The following USP31 variants were observed in gnomAD, a reference collection of about 807,000 sequenced individuals.
USP31 encodes the protein ubiquitin carboxyl-terminal hydrolase 31.
Under a neutral mutation model 119.4 loss-of-function variants are expected in USP31, and 44 were observed. The observed-to-expected ratio is 0.37, with a 90% CI of 0.29 to 0.47. The LOEUF is 0.47. USP31 is among the 20% of genes least tolerant of loss of function. The pLI, the probability that USP31 is intolerant of heterozygous loss-of-function variation, is 0.99. For synonymous variants in USP31, 749 were observed against 705.6 expected (o/e 1.06, Z -0.97); for missense variants, 1,643 against 1,730.2 (o/e 0.95, Z 0.89).
In USP31 at chr16:23,069,365, T is replaced by G; in HGVS notation, c.2740A>C (p.Ser914Arg). 6.2e-7 allele frequency: 1 copy of G among 1,606,712 alleles called. No individual in the cohort carries two copies. Among genetic ancestry groups the G allele is most frequent in the East Asian group, 2.2e-5 (1 of 44,718 alleles). ...DDKVSISCFGSLRNLSSSYQE... is the reference protein window; with the variant it reads ...DDKVSISCFGRLRNLSSSYQE... ...TAACTGCTAGAAAGGTTCCGCAAGCTACCAAAGCAAGAGATGGAGACCTTG... is the reference window on the plus strand; with the variant it reads ...TAACTGCTAGAAAGGTTCCGCAAGCGACCAAAGCAAGAGATGGAGACCTTG... The change falls in exon 16 of 16, where the codon AGC becomes CGC. Residue 914 changes from serine (S) to arginine (R), a missense_variant. Ser to Arg is a moderately radical substitution (Grantham distance 110). Around this residue, in one of 5 missense-constraint regions of USP31, gnomAD observed 699 missense variants for 650.9 expected, o/e 1.07. Coordinates refer to ENST00000219689, the MANE Select transcript of USP31 (RefSeq NM_020718.4).
In USP31 at chr16:23,064,101, CA is replaced by C. The variant is rs1490922208; in HGVS notation, c.*3944del. 3.9e-5 allele frequency: 6 copies of C among 152,622 alleles called. No homozygotes were observed. The highest frequency in any genetic ancestry group is 1.4e-4 in the African/African-American group (6 of 41,460). The allele number at this position is 152,622 out of a possible 1,614,324, so 9.5% of individuals were successfully genotyped here. ...TTGCCTTTCTCAACTACAAATAATACAAAGTTCCACGCACCTCCAGAATACG... is the reference window on the plus strand; with the variant it reads ...TTGCCTTTCTCAACTACAAATAATACAAGTTCCACGCACCTCCAGAATACG... On this transcript the variant is annotated 3_prime_UTR_variant, in exon 16 of 16. Transcript: ENST00000219689.
chr16:23,099,645 A>G (rs1224787724), intron 6 of USP31, among the ~76,000 whole-genome samples: 1 of 152,204 alleles, frequency 6.6e-6, no homozygotes, highest in East Asian at 1.9e-4. Flanking sequence ...GTCAGACATG[A>G]CAACAAAAGC....
At chr16:23,088,441 A>T (rs928933488) in intron 7 of USP31, among the ~76,000 whole-genome samples, 16 of 152,122 alleles carry the variant, frequency 1.1e-4, no homozygotes, top group Admixed American at 2.0e-4. Flanking sequence ...CTGGAATATG[A>T]TCTGAGCACT....
intron 2 of USP31, among the ~76,000 whole-genome samples, chr16:23,107,528 A>T (rs1902157353): frequency 6.6e-6 from 1 of 152,192 alleles, no homozygotes; most frequent in Admixed American, 6.5e-5. Flanking sequence ...CTTTAGTCTA[A>T]TTTTTTTCCA....
intron 1 of USP31, among the ~76,000 whole-genome samples, chr16:23,123,541 T>TAAAG (rs1440717369): frequency 2.0e-5 from 3 of 151,582 alleles, no homozygotes; most frequent in African/African-American, 7.3e-5. Flanking sequence ...GCATCTCAAA[T>TAAAG]AAATAAATAA....
At position 23,071,732 on chromosome 16, in the gene USP31, T is replaced by C. The variant is rs555136365; in HGVS notation, c.2488+313A>G. ...TGAGCCTCTTCCAGCTATCCTGCTT[T>C]TTAAAACACTTTGGGAAAAAAAAAA... On this transcript the variant is annotated intron_variant, in intron 15 of 15. Transcript: ENST00000219689. 2.1e-3 allele frequency among the ~76,000 whole-genome samples: 171 copies of C among 81,232 alleles called. 1 individual carries two copies. Among genetic ancestry groups the C allele is most frequent in the Middle Eastern group, 0.014 (2 of 146 alleles). The allele number at this position is 81,232 out of a possible 152,430, so 53.3% of individuals were successfully genotyped here.
intron 1 of USP31, among the ~76,000 whole-genome samples, chr16:23,116,403 A>G (rs1902486234): frequency 6.6e-6 from 1 of 152,218 alleles, no homozygotes; most frequent in East Asian, 1.9e-4. Flanking sequence ...TACTTTCAGG[A>G]CGCCTACTAA....
intron 1 of USP31, among the ~76,000 whole-genome samples, chr16:23,127,236 T>C (rs1463572538): frequency 6.6e-6 from 1 of 152,070 alleles, no homozygotes; most frequent in Non-Finnish European, 1.5e-5. Flanking sequence ...GAGACCAGCC[T>C]GGGCAACATA....
In USP31 at chr16:23,063,966, T is replaced by C. The variant is rs531053439; in HGVS notation, c.*4080A>G. 2 of 152,612 alleles carry C rather than the reference T, an allele frequency of 1.3e-5. No individual in the cohort carries two copies. The highest frequency in any genetic ancestry group is 2.1e-4 in the South Asian group (1 of 4,826). The allele number at this position is 152,612 out of a possible 1,614,324, so 9.5% of individuals were successfully genotyped here. The stretch of plus-strand genomic sequence containing the variant: ...CTGGATTTCTCCCCAAACCATGTAG[T>C]AGAGTTTAACAATAATGTACCCTTT... On this transcript the variant is annotated 3_prime_UTR_variant, in exon 16 of 16. Transcript: ENST00000219689.
At chr16:23,093,586 G>A (rs1260299030) in intron 6 of USP31, among the ~76,000 whole-genome samples, 3 of 152,202 alleles carry the variant, frequency 2.0e-5, no homozygotes, top group Non-Finnish European at 2.9e-5. Flanking sequence ...TGGTGGAAAC[G>A]TAAAATGATC....
rs1390172414 is a variant in USP31 at position 23,148,731 on chromosome 16, C to T, written c.540G>A (p.Ala180=). Residue 180 remains alanine (A), a synonymous_variant, in exon 1 of 16, where the codon GCG becomes GCA. Transcript: ENST00000219689. ...PDPEQPAGRG[A]QGQGEVTEQL... ...GCTCAGTGACCTCGCCCTGGCCCTG[C>T]GCGCCGCGGCCCGCAGGCTGCTCCG... 2.0e-6 allele frequency: 3 copies of T among 1,482,786 alleles called. No homozygotes were observed. The highest frequency in any genetic ancestry group is 1.3e-5 in the South Asian group (1 of 75,492). The allele number at this position is 1,482,786 out of a possible 1,614,324, so 91.9% of individuals were successfully genotyped here. A position where few individuals can be genotyped will look rare whatever the true frequency, so the allele number is the denominator to read the frequency against.
intron 15 of USP31, among the ~76,000 whole-genome samples, chr16:23,071,218 C>T (rs939502563): frequency 2.6e-5 from 4 of 152,190 alleles, no homozygotes; most frequent in African/African-American, 7.2e-5. Context: ...TTCTTCCAGC[C>T]TATTGCAATT....
chr16:23,079,748 C>T (rs1051237885), intron 13 of USP31, 198 bp downstream of exon 13: 21 of 514,894 alleles, frequency 4.1e-5, no homozygotes, highest in African/African-American at 2.6e-4. Context: ...ACCTACTGGA[C>T]GACCCAACTC....
Position 23,064,043 on chromosome 16 carries a change from C to T in USP31, c.*4003G>A, listed in dbSNP as rs999762342. ...CACAGTAACAGCTACTTTTTGTGTTCGTTTGTGATAGGTACTGGTTTGTCA... is the reference window on the plus strand; with the variant it reads ...CACAGTAACAGCTACTTTTTGTGTTTGTTTGTGATAGGTACTGGTTTGTCA... On this transcript the variant is annotated 3_prime_UTR_variant, in exon 16 of 16. Coordinates refer to ENST00000219689, the MANE Select transcript of USP31 (RefSeq NM_020718.4). The T allele has an allele frequency of 1.3e-5, 2 of 152,518 alleles. No homozygotes were observed. The highest frequency in any genetic ancestry group is 4.8e-5 in the African/African-American group (2 of 41,414). 9.4% of individuals were successfully genotyped at this position (152,518 alleles called of 1,614,324 possible). A position where few individuals can be genotyped will look rare whatever the true frequency, so the allele number is the denominator to read the frequency against.
chr16:23,111,398 G>A (rs1374323423), intron 1 of USP31, among the ~76,000 whole-genome samples: 1 of 152,146 alleles, frequency 6.6e-6, no homozygotes, highest in East Asian at 1.9e-4. Flanking sequence ...CCTAGATGAT[G>A]AGCAACTGGT....
At chr16:23,087,920 G>A (rs563053462) in intron 7 of USP31, 85 bp from the exon 8 acceptor site, 36 of 1,182,236 alleles carry the variant, frequency 3.0e-5, no homozygotes, top group South Asian at 2.7e-4. Context: ...CTCTTAAAAC[G>A]GAATCACAAT....
chr16:23,130,420 C>A (rs1367465401), intron 1 of USP31, among the ~76,000 whole-genome samples: 5 of 147,714 alleles, frequency 3.4e-5, no homozygotes, highest in African/African-American at 5.0e-5. Context: ...ACCCCCCCCC[C>A]AACTAATATT....
chr16:23,097,462 C>T (rs977234648), intron 6 of USP31, among the ~76,000 whole-genome samples: 7 of 152,186 alleles, frequency 4.6e-5, no homozygotes, highest in Admixed American at 3.3e-4. Context: ...GGAATCCTCC[C>T]TAACTCATTT....
At chr16:23,128,278 G>A (rs1031544975) in intron 1 of USP31, among the ~76,000 whole-genome samples, 1 of 152,158 alleles carries the variant, frequency 6.6e-6, no homozygotes, top group Non-Finnish European at 1.5e-5. Flanking sequence ...AAGAAATGAT[G>A]AGCCTGGAAC....
Sources: allele counts gnomAD v4.1 joint callset (sites outside exome capture counted in the v4.1 genomes callset), GRCh38; gene constraint gnomAD v4.1.1; regional missense constraint gnomAD v4.1.1; transcripts MANE v1.5; gene names NCBI Gene and HGNC (gene_info 2026-07-23, HGNC 2026-07-21).